CAMSAP3: variants seen among roughly 807,000 people sequenced by gnomAD.
CAMSAP3 encodes the protein calmodulin-regulated spectrin-associated protein 3.
Under a neutral mutation model 112.5 loss-of-function variants are expected in CAMSAP3, and 34 were observed. That is an observed-to-expected ratio of 0.30 (90% CI 0.23 to 0.40). The LOEUF is 0.40. CAMSAP3 is among the 10% of genes least tolerant of loss of function. The pLI is 1.00. For missense variants in CAMSAP3, 1,602 were observed against 1,770.3 expected (o/e 0.90, Z 1.71); for synonymous variants, 868 against 799.8 (o/e 1.09, Z -1.44).
At position 7,596,064 on chromosome 19, in the gene CAMSAP3, T is replaced by C; in HGVS notation, c.62T>C (p.Ile21Thr). The C allele has an allele frequency of 7.8e-7, 1 of 1,280,768 alleles. No homozygotes were observed. Among genetic ancestry groups the C allele is most frequent in the Admixed American group, 2.5e-5 (1 of 39,682 alleles). 79.3% of individuals were successfully genotyped at this position (1,280,768 alleles called of 1,614,324 possible). ...PLRRTFLVPEIKSLDQYDFSR... is the reference protein window; with the variant it reads ...PLRRTFLVPETKSLDQYDFSR... The stretch of plus-strand genomic sequence containing the variant: ...CGGAGGACCTTTCTAGTGCCCGAGA[T>C]CAAGTCGCTGGACCAGTACGATTTC... Residue 21 changes from isoleucine to threonine, a missense_variant, in exon 1 of 17, where the codon ATC (isoleucine) becomes ACC (threonine). Ile to Thr is a moderately conservative substitution (Grantham distance 89). Around this residue, in one of 6 missense-constraint regions of CAMSAP3, gnomAD observed 147 missense variants for 144.6 expected, o/e 1.02. Coordinates refer to ENST00000160298, the MANE Select transcript of CAMSAP3 (RefSeq NM_020902.2).
chr19:7,613,126 AG>A lies in CAMSAP3; in HGVS notation c.2638del (p.Glu880SerfsTer109). On this transcript the variant is annotated frameshift_variant, in exon 11 of 17. Coordinates refer to ENST00000160298, the MANE Select transcript of CAMSAP3 (RefSeq NM_020902.2). LOFTEE classifies it high-confidence loss of function. ...TCCTTGGAGGAGGAGGCGTCTTCGGAGGGGGAGCCCCGGGTGGGGCTGGGGT... is the reference window on the plus strand; with the variant it reads ...TCCTTGGAGGAGGAGGCGTCTTCGGAGGGGAGCCCCGGGTGGGGCTGGGGT... ...EDSLEEEASSEGEPRVGLGFF... is the reference protein window; with the variant it reads ...EDSLEEEASSXGEPRVGLGFF... 7.1e-7 allele frequency: 1 copy of A among 1,415,932 alleles called. No individual in the cohort carries two copies. The highest frequency in any genetic ancestry group is 9.3e-7 in the Non-Finnish European group (1 of 1,077,098). The allele number at this position is 1,415,932 out of a possible 1,614,324, so 87.7% of individuals were successfully genotyped here.
In CAMSAP3 at chr19:7,610,709, G is replaced by T. The variant is rs2030434699; in HGVS notation, c.910G>T (p.Val304Leu). The T allele has an allele frequency of 5.0e-6, 8 of 1,614,070 alleles. No homozygotes were observed. Among genetic ancestry groups the T allele is most frequent in the Non-Finnish European group, 6.8e-6 (8 of 1,180,018 alleles). ...YVPPPLKVNL[V>L]VMLAELFMCF... is the part of the protein sequence containing the mutation. ...GGCCTCCCACCTCCAGGTCAACTTG[G>T]TGGTGATGCTGGCCGAGTTGTTCAT... Residue 304 changes from valine to leucine, a missense_variant, in exon 7 of 17, where the codon GTG becomes TTG. Coordinates refer to ENST00000160298, the MANE Select transcript of CAMSAP3 (RefSeq NM_020902.2). The surrounding 1 kb of genome is among the most constrained non-coding windows in gnomAD (Gnocchi z 4.9).
At position 7,616,557 on chromosome 19, in the gene CAMSAP3, C is replaced by T; in HGVS notation, c.3147C>T (p.Thr1049=). The change falls in exon 14 of 17, where the codon ACC becomes ACT. Residue 1049 remains threonine, a synonymous_variant. Transcript: ENST00000160298. ...TGAGCAAAATCTATTCCCAGTCCAC[C>T]CTGTCACTGTCCACTGTGGCCAACG... ...SRLSKIYSQS[T]LSLSTVANEA... 6.2e-7 allele frequency: 1 copy of T among 1,613,294 alleles called. No homozygotes were observed. The highest frequency in any genetic ancestry group is 8.5e-7 in the Non-Finnish European group (1 of 1,179,844).
chr19:7,603,004 G>A (rs931293576), intron 1 of CAMSAP3, among the ~76,000 whole-genome samples: 1 of 151,968 alleles, frequency 6.6e-6, no homozygotes, highest in East Asian at 1.9e-4. Flanking sequence ...AAGATGAGAG[G>A]GGCAAAAAGA....
chr19:7,601,100 A>G (rs1329943131), intron 1 of CAMSAP3, among the ~76,000 whole-genome samples: 1 of 152,134 alleles, frequency 6.6e-6, no homozygotes, highest in African/African-American at 2.4e-5. Context: ...AATGTAAAAT[A>G]TACTCAGGGT....
chr19:7,616,950 T>G (rs540945918), intron 14 of CAMSAP3, among the ~76,000 whole-genome samples: 7 of 133,728 alleles, frequency 5.2e-5, no homozygotes, highest in African/African-American at 1.2e-4. Flanking sequence ...TTTTTTTTTT[T>G]TTTTTTTTGT....
At position 7,611,614 on chromosome 19, in the gene CAMSAP3, G is replaced by C. The variant is rs377241150; in HGVS notation, c.1193+28G>C. 16 of 1,607,632 alleles carry C rather than the reference G, an allele frequency of 1.0e-5. No homozygotes were observed. The South Asian group carries it at 1.7e-4, about 17-fold the overall frequency. On this transcript the variant is annotated intron_variant, in intron 10 of 16. Transcript: ENST00000160298. This position sits in a 1 kb window ranked among gnomAD's most constrained non-coding sequence, Gnocchi z 6.9. ...GAGTAGACCTCACAGGCCAGGGTAG[G>C]GGGTGGAGCAGGCTAGGGCGGGTTG...
Position 7,608,164 on chromosome 19 carries a change from C to A in CAMSAP3, c.660C>A (p.Ala220=), listed in dbSNP as rs771550989. ...YRKDRVVARR[A]PCFPTVTSLQ... Reference sequence around the variant, plus strand: ...AGGACCGTGTGGTGGCGCGACGTGCCCCCTGCTTCCCGACGGTGACCAGCC... The same window carrying A: ...AGGACCGTGTGGTGGCGCGACGTGCACCCTGCTTCCCGACGGTGACCAGCC... The change falls in exon 5 of 17, where the codon GCC becomes GCA. Residue 220 remains alanine (A), a synonymous_variant. Coordinates refer to ENST00000160298, the MANE Select transcript of CAMSAP3 (RefSeq NM_020902.2). 1 of 1,612,352 alleles carries A rather than the reference C, an allele frequency of 6.2e-7. No individual in the cohort carries two copies. The highest frequency in any genetic ancestry group is 8.5e-7 in the Non-Finnish European group (1 of 1,179,914).
chr19:7,610,804 G>A lies in CAMSAP3; in HGVS notation c.994+11G>A. 1.2e-6 allele frequency: 2 copies of A among 1,612,148 alleles called. No individual in the cohort carries two copies. Among genetic ancestry groups the A allele is most frequent in the South Asian group, 2.2e-5 (2 of 91,062 alleles). ...TGCCCGATGGTCACGGTGAGGCCCT[G>A]GGGGCCTGGGGGCCGGGTCGGGGGC... On this transcript the variant is annotated intron_variant, in intron 7 of 16. Transcript: ENST00000160298. This position sits in a 1 kb window ranked among gnomAD's most constrained non-coding sequence, Gnocchi z 4.9.
At position 7,611,520 on chromosome 19, in the gene CAMSAP3, C is replaced by T. The variant is rs757268205; in HGVS notation, c.1127C>T (p.Ser376Phe). 5 of 1,611,544 alleles carry T rather than the reference C, an allele frequency of 3.1e-6. No individual in the cohort carries two copies. Among genetic ancestry groups the T allele is most frequent in the Non-Finnish European group, 4.2e-6 (5 of 1,179,162 alleles). ...PQSPLRGSTG[S>F]LKSSPSMSHM... ...GACCACTCATCGCCTCCCCCAGGCTCCCTGAAGTCTTCCCCGTCCATGTCC... is the reference window on the plus strand; with the variant it reads ...GACCACTCATCGCCTCCCCCAGGCTTCCTGAAGTCTTCCCCGTCCATGTCC... The change falls in exon 10 of 17, where the codon TCC (serine) becomes TTC (phenylalanine). Residue 376 changes from serine to phenylalanine, a missense_variant. Coordinates refer to ENST00000160298, the MANE Select transcript of CAMSAP3 (RefSeq NM_020902.2). This position sits in a 1 kb window ranked among gnomAD's most constrained non-coding sequence, Gnocchi z 6.9.
chr19:7,610,415 T>C lies in CAMSAP3; in HGVS notation c.761-61T>C. On this transcript the variant is annotated intron_variant, in intron 5 of 16. Coordinates refer to ENST00000160298, the MANE Select transcript of CAMSAP3 (RefSeq NM_020902.2). This position sits in a 1 kb window ranked among gnomAD's most constrained non-coding sequence, Gnocchi z 4.9. ...GTGTGGGGGACTGCTGGTCCCTGGCTTCCCTGGGGCCCCATCCTCCTCCTC... is the reference window on the plus strand; with the variant it reads ...GTGTGGGGGACTGCTGGTCCCTGGCCTCCCTGGGGCCCCATCCTCCTCCTC... 6.5e-7 allele frequency: 1 copy of C among 1,527,554 alleles called. No individual in the cohort carries two copies. The highest frequency in any genetic ancestry group is 1.4e-5 in the African/African-American group (1 of 72,954). The allele number at this position is 1,527,554 out of a possible 1,614,324, so 94.6% of individuals were successfully genotyped here.
rs577148181 is a variant in CAMSAP3 at position 7,610,114 on chromosome 19, C to T, written c.761-362C>T. On this transcript the variant is annotated intron_variant, in intron 5 of 16. Coordinates refer to ENST00000160298, the MANE Select transcript of CAMSAP3 (RefSeq NM_020902.2). The surrounding 1 kb of genome is among the most constrained non-coding windows in gnomAD (Gnocchi z 4.9). Reference sequence around the variant, plus strand: ...CGGCCGGATCATGAAGTCAGGAGATCGAGACCATCCTGGCTAACACGGTGA... The same window carrying T: ...CGGCCGGATCATGAAGTCAGGAGATTGAGACCATCCTGGCTAACACGGTGA... Among the ~76,000 whole-genome samples the T allele has an allele frequency of 7.9e-5, 12 of 152,074 alleles. No homozygotes were observed. In the East Asian group the frequency reaches 9.7e-4, roughly 12 times the overall value.
In CAMSAP3 at chr19:7,614,875, T is replaced by G. The variant is rs1599362243; in HGVS notation, c.2671-308T>G. On this transcript the variant is annotated intron_variant, in intron 11 of 16. Transcript: ENST00000160298. Reference sequence around the variant, plus strand: ...TGGGTGTCTCCAGGCCAGGCCGGGGTCCTCCCGCAGTGTAGAGTGTCTGTG... The same window carrying G: ...TGGGTGTCTCCAGGCCAGGCCGGGGGCCTCCCGCAGTGTAGAGTGTCTGTG... 6 of 493,282 alleles carry G rather than the reference T, an allele frequency of 1.2e-5. No individual in the cohort carries two copies. In the East Asian group the frequency reaches 2.2e-4, roughly 18 times the overall value. 30.6% of individuals were successfully genotyped at this position (493,282 alleles called of 1,614,324 possible).
rs774508473 is a variant in CAMSAP3 at position 7,610,935 on chromosome 19, C to T, written c.1049+4C>T. 25 of 1,580,408 alleles carry T rather than the reference C, an allele frequency of 1.6e-5. No individual in the cohort carries two copies. The highest frequency in any genetic ancestry group is 5.4e-5 in the African/African-American group (4 of 74,360). On this transcript the variant is annotated splice_donor_region_variant and intron_variant, in intron 8 of 16. Coordinates refer to ENST00000160298, the MANE Select transcript of CAMSAP3 (RefSeq NM_020902.2). This position sits in a 1 kb window ranked among gnomAD's most constrained non-coding sequence, Gnocchi z 4.9. ...CTCAGAACAACAGCGGCAGTAGGTA[C>T]GCTCCCCACACTGGGCGAGTCTCTG...
At chr19:7,596,205 C>T in intron 1 of CAMSAP3, 55 bp downstream of exon 1, 1 of 64,996 alleles carries the variant, frequency 1.5e-5, no homozygotes. Context: ...GCGGCAGGTG[C>T]TGGGGGGGGG....
intron 13 of CAMSAP3, chr19:7,616,308 G>A (rs184948754): frequency 9.4e-5 from 49 of 521,216 alleles, no homozygotes; most frequent in Middle Eastern, 5.3e-4. Context: ...GGGGTGAGGC[G>A]TTGCCAGTAG....
chr19:7,617,860 C>T lies in CAMSAP3; in HGVS notation c.3553C>T (p.Leu1185=). The part of the protein sequence containing the change: ...LSGETEELSR[L]AGYGPRTVTP... ...GGGGGAGACAGAGGAGCTGTCGCGG[C>T]TGGCAGGGTATGGGCCCCGGACCGT... is the stretch of plus-strand genomic sequence containing the variant. The change falls in exon 17 of 17, where the codon CTG becomes TTG. Residue 1185 remains leucine (L), a synonymous_variant. Transcript: ENST00000160298. This position sits in a 1 kb window ranked among gnomAD's most constrained non-coding sequence, Gnocchi z 7.5. 6.2e-7 allele frequency: 1 copy of T among 1,613,756 alleles called. No homozygotes were observed. The highest frequency in any genetic ancestry group is 8.5e-7 in the Non-Finnish European group (1 of 1,180,030).
intron 1 of CAMSAP3, among the ~76,000 whole-genome samples, chr19:7,599,580 AT>A (rs1317932546): frequency 3.2e-5 from 3 of 94,688 alleles, no homozygotes; most frequent in East Asian, 3.2e-4. Context: ...CCATCCATCC[AT>A]CCATCCACCC....
At chr19:7,602,206 C>T (rs531200349) in intron 1 of CAMSAP3, among the ~76,000 whole-genome samples, 10 of 152,280 alleles carry the variant, frequency 6.6e-5, no homozygotes, top group Non-Finnish European at 1.0e-4. Flanking sequence ...GTACTACTGA[C>T]GTCTAGTAAA....
Sources: allele counts gnomAD v4.1 joint callset (sites outside exome capture counted in the v4.1 genomes callset), GRCh38; gene constraint gnomAD v4.1.1; regional missense constraint gnomAD v4.1.1; non-coding constraint Gnocchi (gnomAD v3.1); transcripts MANE v1.5; gene names NCBI Gene and HGNC (gene_info 2026-07-23, HGNC 2026-07-21).